Variants in EXOC2 observed in about 807,000 individuals in gnomAD.
The protein encoded by EXOC2 is exocyst complex component 2.
A neutral mutation model predicts 131.8 loss-of-function variants in EXOC2; 70 were observed. That is an observed-to-expected ratio of 0.53 (90% CI 0.44 to 0.65). The LOEUF (loss-of-function observed/expected upper bound fraction) is 0.65. EXOC2 is among the 30% of genes least tolerant of loss of function. The pLI, the probability that EXOC2 is intolerant of heterozygous loss-of-function variation, is 0.00. For synonymous variants in EXOC2, 411 were observed against 398.4 expected, an observed-to-expected ratio of 1.03 and a Z score of -0.38; for missense variants, 923 against 1,108.6, an observed-to-expected ratio of 0.83 and a Z score of 2.38.
chr6:688,462 T>C (rs1208099389), intron 1 of EXOC2, among the ~76,000 whole-genome samples: 1 of 152,158 alleles, frequency 6.6e-6, no homozygotes. Context: ...CTGAGCACAC[T>C]GGCATGACAG....
chr6:597,243 C>T (rs538705830), intron 10 of EXOC2, among the ~76,000 whole-genome samples: 1 of 150,276 alleles, frequency 6.7e-6, no homozygotes, highest in East Asian at 2.0e-4. Context: ...GGTGTGAGAT[C>T]TCGGTTCACT....
intron 1 of EXOC2, among the ~76,000 whole-genome samples, chr6:652,055 C>CA (rs779403495): frequency 0.11 from 8,525 of 77,538 alleles, 264 homozygotes; most frequent in Middle Eastern, 0.17. Flanking sequence ...GATTCCATCT[C>CA]AAAAAAAAAA....
chr6:564,395 T>C (rs1384247745), intron 15 of EXOC2, 150 bp downstream of exon 15: 4 of 1,206,588 alleles, frequency 3.3e-6, no homozygotes, highest in Non-Finnish European at 4.6e-6. Flanking sequence ...GTGAGGAGCT[T>C]AGCTGTCAGA....
chr6:617,593 T>G, intron 6 of EXOC2, 118 bp downstream of exon 6: 2 of 1,324,596 alleles, frequency 1.5e-6, no homozygotes, highest in Non-Finnish European at 2.0e-6. Context: ...TTATAGCACA[T>G]TTGAGATCTC....
chr6:503,818 G>A (rs1764366253), intron 23 of EXOC2, among the ~76,000 whole-genome samples: 1 of 152,072 alleles, frequency 6.6e-6, no homozygotes, highest in Admixed American at 6.5e-5. Context: ...GGCCACAGCT[G>A]GGTACTGGCC....
In EXOC2 at chr6:654,178, A is replaced by G. The variant is rs1762953736; in HGVS notation, c.-43-16317T>C. Among the ~76,000 whole-genome samples, 3 of 152,352 alleles carry G rather than the reference A, an allele frequency of 2.0e-5. No homozygotes were observed. The South Asian group carries it at 6.2e-4, about 32-fold the overall frequency. ...GATGAATGTTTTCATGACTGCTAAC[A>G]CAATATCCATTCCGCAGTTCATGGA... On this transcript the variant is annotated intron_variant, in intron 1 of 27. Coordinates refer to ENST00000230449, the MANE Select transcript of EXOC2 (RefSeq NM_018303.6).
At chr6:639,782 C>T (rs543737700) in intron 1 of EXOC2, among the ~76,000 whole-genome samples, 56 of 152,286 alleles carry the variant, frequency 3.7e-4, no homozygotes, top group African/African-American at 1.3e-3. Flanking sequence ...AAAGCTTCCC[C>T]TCTGCCCTCT....
Position 595,443 on chromosome 6 carries a change from T to A in EXOC2, c.1073+2578A>T, listed in dbSNP as rs547374000. 7.9e-4 allele frequency among the ~76,000 whole-genome samples: 120 copies of A among 152,168 alleles called. 4 individuals carry two copies. Among genetic ancestry groups the A allele is most frequent in the African/African-American group, 2.8e-3 (117 of 41,402 alleles). On this transcript the variant is annotated intron_variant, in intron 10 of 27. Coordinates refer to ENST00000230449, the MANE Select transcript of EXOC2 (RefSeq NM_018303.6). ...CAGTATTTTCTCAAAGCATCGTAAA[T>A]AAAATAATCATTAACAAATACATAA...
chr6:603,407 GT>G (rs145610621), intron 7 of EXOC2, among the ~76,000 whole-genome samples: 13,581 of 152,124 alleles, frequency 0.089, 1,032 homozygotes, highest in African/African-American at 0.21. Flanking sequence ...CTGAAAGCCT[GT>G]TTCACAGCAC....
chr6:547,113 T>C (rs968374264), intron 22 of EXOC2, among the ~76,000 whole-genome samples: 2 of 152,250 alleles, frequency 1.3e-5, no homozygotes, highest in East Asian at 3.8e-4. Context: ...ATTCCTGATT[T>C]CATGCACCAA....
At chr6:625,373 A>G (rs982748217) in intron 4 of EXOC2, among the ~76,000 whole-genome samples, 2 of 152,228 alleles carry the variant, frequency 1.3e-5, no homozygotes, top group African/African-American at 4.8e-5. Context: ...GATTTGGCGG[A>G]TGGAAGACGG....
intron 21 of EXOC2, among the ~76,000 whole-genome samples, chr6:551,528 C>CCG (rs1757141922): frequency 6.6e-6 from 1 of 152,186 alleles, no homozygotes; most frequent in African/African-American, 2.4e-5. Flanking sequence ...CTGAGAGCTG[C>CCG]CGCGTCACAG....
At chr6:648,714 CTCTTTT>C (rs1310166173) in intron 1 of EXOC2, among the ~76,000 whole-genome samples, 1 of 115,542 alleles carries the variant, frequency 8.7e-6, no homozygotes, top group Non-Finnish European at 1.7e-5. Context: ...CTTTTAAAAA[CTCTTTT>C]TTTTTTTTTT....
chr6:573,669 CTTAATTTTA>C (rs1167993348), intron 12 of EXOC2, among the ~76,000 whole-genome samples: 1 of 139,454 alleles, frequency 7.2e-6, no homozygotes, highest in Admixed American at 7.4e-5. Flanking sequence ...AATAAAATTT[CTTAATTTTA>C]TTAAGAAATT....
chr6:513,416 A>C (rs543670653), intron 23 of EXOC2, among the ~76,000 whole-genome samples: 1 of 152,338 alleles, frequency 6.6e-6, no homozygotes, highest in Admixed American at 6.5e-5. Flanking sequence ...GAAGAAACGA[A>C]AGTCCAAGCA....
chr6:636,757 C>T lies in EXOC2; in HGVS notation c.118+944G>A, dbSNP rs369388224. Among the ~76,000 whole-genome samples, 8 of 152,338 alleles carry T rather than the reference C, an allele frequency of 5.3e-5. No individual in the cohort carries two copies. The South Asian group carries it at 1.7e-3, about 32-fold the overall frequency. ...CAGTAGCACAGAGAGGGGCCTTTCC[C>T]TTCCTCATTCTGAATGCATCTGTAT... On this transcript the variant is annotated intron_variant, in intron 2 of 27. Coordinates refer to ENST00000230449, the MANE Select transcript of EXOC2 (RefSeq NM_018303.6).
chr6:563,939 T>C (rs764783470), intron 16 of EXOC2, 94 bp downstream of exon 16: 7 of 1,497,724 alleles, frequency 4.7e-6, no homozygotes, highest in Non-Finnish European at 5.4e-6. Context: ...AGAAGAGTAA[T>C]TTTCCCTTGT....
chr6:615,176 G>GGGGTGTGT (rs1554137926), intron 6 of EXOC2, among the ~76,000 whole-genome samples: 94 of 103,852 alleles, frequency 9.1e-4, no homozygotes, highest in East Asian at 2.6e-3. Context: ...AGTATATGTG[G>GGGGTGTGT]GTGTGGGTGT....
intron 1 of EXOC2, among the ~76,000 whole-genome samples, chr6:676,828 G>C (rs1263163456): frequency 1.2e-4 from 10 of 84,198 alleles, no homozygotes; most frequent in African/African-American, 1.8e-4. Context: ...GAAAGGACAG[G>C]TTCCTCTGGT....
Sources: gnomAD v4.1 joint callset for allele counts (sites outside exome capture counted in the v4.1 genomes callset) on GRCh38, gnomAD v4.1.1 for gene constraint, MANE v1.5 for transcripts, NCBI Gene and HGNC (gene_info 2026-07-23, HGNC 2026-07-21) for gene names.